The following DNAH9 variants were observed in gnomAD, a reference collection of about 807,000 sequenced individuals.
The protein encoded by DNAH9 is dynein axonemal heavy chain 9.
A neutral mutation model predicts 471.6 loss-of-function variants in DNAH9; 345 were observed. The observed-to-expected ratio is 0.73, with a 90% CI of 0.67 to 0.80. DNAH9 has a LOEUF of 0.80. Among genes scored for constraint, DNAH9 ranks in the 30% least tolerant of loss-of-function variants. The pLI is 0.00. For missense variants in DNAH9, 5,407 were observed against 5,609.2 expected, an observed-to-expected ratio of 0.96 and a Z score of 1.15; for synonymous variants, 2,093 against 2,123.6, an observed-to-expected ratio of 0.99 and a Z score of 0.40.
intron 30 of DNAH9, among the ~76,000 whole-genome samples, chr17:11,744,558 C>T (rs1035897788): frequency 1.3e-5 from 2 of 152,136 alleles, no homozygotes; most frequent in African/African-American, 4.8e-5. Flanking sequence ...ATCTCTTTGA[C>T]CCCCCACATC....
intron 55 of DNAH9, 149 bp from the exon 56 acceptor site, chr17:11,883,437 T>C: frequency 8.7e-7 from 1 of 1,148,500 alleles, no homozygotes; most frequent in Non-Finnish European, 1.2e-6. Context: ...TTTGACTCCT[T>C]GTCTCCTGCT....
intron 49 of DNAH9, 115 bp downstream of exon 49, chr17:11,835,013 C>A: frequency 7.3e-7 from 1 of 1,362,052 alleles, no homozygotes; most frequent in Non-Finnish European, 9.8e-7. Context: ...GGGTGGGCTC[C>A]AACTGTCACT....
chr17:11,758,385 G>A (rs1967499431), intron 35 of DNAH9, among the ~76,000 whole-genome samples: 2 of 152,110 alleles, frequency 1.3e-5, no homozygotes, highest in African/African-American at 2.4e-5. Context: ...TATGGTTGTT[G>A]TTGCCATTTG....
At chr17:11,675,888 C>CTT (rs112213682) in intron 17 of DNAH9, among the ~76,000 whole-genome samples, 1 of 148,530 alleles carries the variant, frequency 6.7e-6, no homozygotes, top group Non-Finnish European at 1.5e-5. Flanking sequence ...CTTCAATTTT[C>CTT]TTTTTTTTTT....
chr17:11,659,278 A>G (rs2073710663), intron 14 of DNAH9, among the ~76,000 whole-genome samples: 1 of 152,328 alleles, frequency 6.6e-6, no homozygotes, highest in South Asian at 2.1e-4. Context: ...AAAATTGTTC[A>G]TAATTATTTC....
At chr17:11,748,122 G>A (rs1192353982) in intron 32 of DNAH9, among the ~76,000 whole-genome samples, 2 of 121,400 alleles carry the variant, frequency 1.6e-5, no homozygotes, top group Non-Finnish European at 3.2e-5. Flanking sequence ...GGCCAATATG[G>A]TGAAACCCTG....
Position 11,689,819 on chromosome 17 carries a change from G to C in DNAH9, c.3997G>C (p.Glu1333Gln). The C allele has an allele frequency of 6.2e-7, 1 of 1,613,958 alleles. No homozygotes were observed. The highest frequency in any genetic ancestry group is 8.5e-7 in the Non-Finnish European group (1 of 1,179,886). The change falls in exon 20 of 69, where the codon GAG (glutamate) becomes CAG (glutamine). Residue 1333 changes from glutamate to glutamine, a missense_variant. Glu to Gln is a conservative substitution (Grantham distance 29). Around this residue, in one of 3 missense-constraint regions of DNAH9, gnomAD observed 4,636 missense variants for 4,900.3 expected, o/e 0.95. Transcript: ENST00000262442. ...PWRNINVEAM[E>Q]LECKQFARHI... ...GAGGAATATCAACGTGGAAGCCATGGAGTTGGAGTGCAAACAGTTTGCCCG... is the reference window on the plus strand; with the variant it reads ...GAGGAATATCAACGTGGAAGCCATGCAGTTGGAGTGCAAACAGTTTGCCCG...
intron 55 of DNAH9, chr17:11,883,284 A>G (rs906966232): frequency 3.2e-5 from 35 of 1,086,754 alleles, no homozygotes; most frequent in Admixed American, 4.6e-5. Flanking sequence ...CCGTTTAGTG[A>G]ACACTGATAA....
intron 55 of DNAH9, among the ~76,000 whole-genome samples, chr17:11,881,863 G>A (rs1972735689): frequency 6.6e-6 from 1 of 151,848 alleles, no homozygotes; most frequent in Non-Finnish European, 1.5e-5. Flanking sequence ...AGTGAGCCAA[G>A]ATCGTGCCAC....
In DNAH9 at chr17:11,601,384, G is replaced by A. The variant is rs11869147; in HGVS notation, c.417+2469G>A. On this transcript the variant is annotated intron_variant, in intron 1 of 68. Coordinates refer to ENST00000262442, the MANE Select transcript of DNAH9 (RefSeq NM_001372.4). Reference sequence around the variant, plus strand: ...AGGGTGGGAGGGAGAGAGGGAGGGAGGAAGAGAGGACATTCTTTAACAGTA... The same window carrying A: ...AGGGTGGGAGGGAGAGAGGGAGGGAAGAAGAGAGGACATTCTTTAACAGTA... Among the ~76,000 whole-genome samples the A allele has an allele frequency of 8.3e-3, 1,259 of 151,968 alleles. 20 individuals carry two copies. The highest frequency in any genetic ancestry group is 0.029 in the African/African-American group (1,188 of 41,430).
At chr17:11,680,680 A>G (rs1289917686) in intron 18 of DNAH9, 43 bp from the exon 19 acceptor site, 2 of 1,585,736 alleles carry the variant, frequency 1.3e-6, no homozygotes, top group Non-Finnish European at 1.7e-6. Context: ...GGGAGAGGAA[A>G]GAGCACCTTG....
chr17:11,627,997 A>G (rs532085137), intron 6 of DNAH9, among the ~76,000 whole-genome samples: 52 of 152,272 alleles, frequency 3.4e-4, no homozygotes, highest in African/African-American at 1.2e-3. Context: ...CAGTGGTACC[A>G]GGACCTGCTG....
chr17:11,967,489 C>A (rs1221754697), intron 68 of DNAH9, among the ~76,000 whole-genome samples: 1 of 151,856 alleles, frequency 6.6e-6, no homozygotes, highest in Admixed American at 6.6e-5. Context: ...GATACACTAG[C>A]GTATATCTGG....
chr17:11,749,254 T>G (rs1039917073), intron 32 of DNAH9, among the ~76,000 whole-genome samples: 9 of 151,674 alleles, frequency 5.9e-5, no homozygotes, highest in African/African-American at 2.2e-4. Flanking sequence ...CCAGCTAATT[T>G]TTTGTATTTT....
chr17:11,671,282 G>A (rs1392809664), intron 17 of DNAH9, among the ~76,000 whole-genome samples: 2 of 152,210 alleles, frequency 1.3e-5, no homozygotes, highest in African/African-American at 4.8e-5. Context: ...AAAAAGATAG[G>A]TTATTACTCA....
At chr17:11,736,478 C>T (rs1046317921) in intron 28 of DNAH9, among the ~76,000 whole-genome samples, 2 of 152,164 alleles carry the variant, frequency 1.3e-5, no homozygotes, top group African/African-American at 2.4e-5. Flanking sequence ...TCTCCACTTC[C>T]CCCTCCCTGC....
chr17:11,696,063 C>A (rs2074471443), intron 22 of DNAH9, among the ~76,000 whole-genome samples: 1 of 152,166 alleles, frequency 6.6e-6, no homozygotes, highest in South Asian at 2.1e-4. Flanking sequence ...TCCTCTGTTC[C>A]TTTCATGCCA....
At chr17:11,793,734 A>G (rs1369389801) in intron 42 of DNAH9, 70 bp downstream of exon 42, 4 of 1,259,492 alleles carry the variant, frequency 3.2e-6, no homozygotes, top group Non-Finnish European at 3.3e-6. Flanking sequence ...TGATCACCCA[A>G]TGATAAAATC....
chr17:11,711,281 G>A (rs2074823489), intron 26 of DNAH9, among the ~76,000 whole-genome samples: 1 of 152,142 alleles, frequency 6.6e-6, no homozygotes, highest in Non-Finnish European at 1.5e-5. Context: ...AAGCTGTGGA[G>A]GAGAGATGGC....
Sources: allele counts gnomAD v4.1 joint callset (sites outside exome capture counted in the v4.1 genomes callset), GRCh38; gene constraint gnomAD v4.1.1; regional missense constraint gnomAD v4.1.1; transcripts MANE v1.5; gene names NCBI Gene and HGNC (gene_info 2026-07-23, HGNC 2026-07-21).